The following RAP1B variants were observed in gnomAD, a reference collection of about 807,000 sequenced individuals.
The protein encoded by RAP1B is ras-related protein Rap-1b.
Under a neutral mutation model 27.5 loss-of-function variants are expected in RAP1B, and 1 was observed. The observed-to-expected ratio is 0.04, with a 90% CI of 0.01 to 0.17. RAP1B has a LOEUF of 0.17. RAP1B is among the 10% of genes least tolerant of loss of function. The pLI is 1.00. For synonymous variants in RAP1B, 75 were observed against 73.1 expected (o/e 1.03, Z -0.13); for missense variants, 84 against 214.8 (o/e 0.39, Z 3.81).
At chr12:68,618,748 T>C (rs764818512) in intron 1 of RAP1B, among the ~76,000 whole-genome samples, 12 of 151,552 alleles carry the variant, frequency 7.9e-5, no homozygotes, top group Non-Finnish European at 1.8e-4. Flanking sequence ...AGATTTTTTT[T>C]TAAGTTTCAC....
At chr12:68,618,588 C>T (rs1005469933) in intron 1 of RAP1B, among the ~76,000 whole-genome samples, 5 of 152,190 alleles carry the variant, frequency 3.3e-5, no homozygotes, top group Admixed American at 6.5e-5. Context: ...TTTTATAATA[C>T]TGAGACATTC....
chr12:68,628,758 T>C (rs2135930889), intron 1 of RAP1B, among the ~76,000 whole-genome samples: 1 of 152,314 alleles, frequency 6.6e-6, no homozygotes, highest in Non-Finnish European at 1.5e-5. Context: ...GAAAGAGTTT[T>C]AATTGAAATT....
intron 1 of RAP1B, among the ~76,000 whole-genome samples, chr12:68,624,305 CA>C (rs1206550499): frequency 6.6e-6 from 1 of 152,062 alleles, no homozygotes; most frequent in Non-Finnish European, 1.5e-5. Context: ...CAAACACTAA[CA>C]TTTTTTTAAA....
In RAP1B at chr12:68,632,139, T is replaced by G. The variant is rs9738241; in HGVS notation, c.-26-16560T>G. On this transcript the variant is annotated intron_variant, in intron 1 of 7. Coordinates refer to ENST00000250559, the MANE Select transcript of RAP1B (RefSeq NM_001010942.3). Reference sequence around the variant, plus strand: ...TTGGGTTTTGGATTTGTTTTTTTTTTTTTTTTGTTTGTTTTTTTTTTCCAG... The same window carrying G: ...TTGGGTTTTGGATTTGTTTTTTTTTGTTTTTTGTTTGTTTTTTTTTTCCAG... Among the ~76,000 whole-genome samples the G allele has an allele frequency of 3.1e-3, 389 of 126,834 alleles. 9 individuals are homozygous for G. Among genetic ancestry groups the G allele is most frequent in the African/African-American group, 6.2e-3 (141 of 22,778 alleles). 83.2% of individuals were successfully genotyped at this position (126,834 alleles called of 152,430 possible).
In RAP1B at chr12:68,664,735, T is replaced by G. The variant is rs1040989101; in HGVS notation, c.*5486T>G. ...AAGAAAAAGAAAAAAAAATCCAGTC[T>G]CTGCTGGCAAGGTGTTTAACAAGTC... is the stretch of plus-strand genomic sequence containing the variant. On this transcript the variant is annotated 3_prime_UTR_variant, in exon 8 of 8. Transcript: ENST00000250559. 2 of 151,950 alleles carry G rather than the reference T, an allele frequency of 1.3e-5. No homozygotes were observed. The highest frequency in any genetic ancestry group is 2.9e-5 in the Non-Finnish European group (2 of 67,942). The allele number at this position is 151,950 out of a possible 1,614,324, so 9.4% of individuals were successfully genotyped here.
intron 1 of RAP1B, among the ~76,000 whole-genome samples, chr12:68,644,039 A>C (rs191352820): frequency 1.3e-3 from 192 of 152,266 alleles, no homozygotes; most frequent in African/African-American, 4.5e-3. Context: ...TAGGCTGTCA[A>C]AATTACAGTC....
intron 1 of RAP1B, among the ~76,000 whole-genome samples, chr12:68,621,917 C>T (rs1411274786): frequency 1.3e-5 from 2 of 152,318 alleles, no homozygotes; most frequent in South Asian, 4.1e-4. Flanking sequence ...CCTTCAGGTA[C>T]TCAAATTAGA....
intron 1 of RAP1B, among the ~76,000 whole-genome samples, chr12:68,646,565 GGTGTGGGCCACTGCGCCC>G (rs2135956051): frequency 6.6e-6 from 1 of 152,320 alleles, no homozygotes; most frequent in South Asian, 2.1e-4. Flanking sequence ...TAGGATTACA[GGTGTGGGCCACTGCGCCC>G]GGCCCACTAC....
Position 68,617,839 on chromosome 12 carries a change from C to T in RAP1B, c.-27+6796C>T, listed in dbSNP as rs144906513. Among the ~76,000 whole-genome samples, 402 of 151,940 alleles carry T rather than the reference C, an allele frequency of 2.6e-3. 2 individuals carry two copies. Among genetic ancestry groups the T allele is most frequent in the African/African-American group, 9.2e-3 (381 of 41,410 alleles). ...AGTGCAGTGGCACAAACTTGGCTCACTGCAGCTTCAACCTCCCAGATTCAA... is the reference window on the plus strand; with the variant it reads ...AGTGCAGTGGCACAAACTTGGCTCATTGCAGCTTCAACCTCCCAGATTCAA... On this transcript the variant is annotated intron_variant, in intron 1 of 7. Transcript: ENST00000250559.
chr12:68,663,703 T>C lies in RAP1B; in HGVS notation c.*4454T>C, dbSNP rs1874725822. The C allele has an allele frequency of 6.6e-6, 1 of 152,240 alleles. No homozygotes were observed. Among genetic ancestry groups the C allele is most frequent in the Non-Finnish European group, 1.5e-5 (1 of 68,048 alleles). 9.4% of individuals were successfully genotyped at this position (152,240 alleles called of 1,614,324 possible). On this transcript the variant is annotated 3_prime_UTR_variant, in exon 8 of 8. Coordinates refer to ENST00000250559, the MANE Select transcript of RAP1B (RefSeq NM_001010942.3). ...CCTGTAGGTTACTGACCTTAGGAAT[T>C]ACAGGCTTTATCCAAAATTAGGCAT...
intron 2 of RAP1B, chr12:68,650,106 C>CT (rs2135960779): frequency 1.0e-5 from 2 of 194,864 alleles, no homozygotes; most frequent in East Asian, 2.9e-4. Flanking sequence ...GAGCAAGACT[C>CT]TGTCTCAAAG....
Position 68,663,968 on chromosome 12 carries a change from TA to T in RAP1B, c.*4722del, listed in dbSNP as rs1874738997. The T allele has an allele frequency of 2.0e-5, 3 of 152,292 alleles. No homozygotes were observed. The South Asian group carries it at 6.2e-4, about 32-fold the overall frequency. 9.4% of individuals were successfully genotyped at this position (152,292 alleles called of 1,614,324 possible). On this transcript the variant is annotated 3_prime_UTR_variant, in exon 8 of 8. Coordinates refer to ENST00000250559, the MANE Select transcript of RAP1B (RefSeq NM_001010942.3). ...AGTGAGCTGTCATTTTTCATATATA[TA>T]AATTTTTTTATTCATAGGTAATCTA... is the stretch of plus-strand genomic sequence containing the variant.
At chr12:68,611,346 A>AACCCCCCCCCCCCCC (rs1565652572) in intron 1 of RAP1B, among the ~76,000 whole-genome samples, 1 of 113,450 alleles carries the variant, frequency 8.8e-6, no homozygotes, top group Non-Finnish European at 1.8e-5. Flanking sequence ...GAGCCCGAGG[A>AACCCCCCCCCCCCCC]CCCCCCCACC....
chr12:68,643,162 T>A (rs1485737320), intron 1 of RAP1B, among the ~76,000 whole-genome samples: 1 of 152,212 alleles, frequency 6.6e-6, no homozygotes, highest in East Asian at 1.9e-4. Context: ...CAGTAATACC[T>A]TCTAATAGTC....
rs1032128582 is a variant in RAP1B, at chr12:68,662,059, G to A, written c.*2810G>A. On this transcript the variant is annotated 3_prime_UTR_variant, in exon 8 of 8. Transcript: ENST00000250559. ...TATATATAGTACATATATAGAGAGA[G>A]TATATATATATATGTAGTACAGTGG... 2.8e-5 allele frequency: 4 copies of A among 145,008 alleles called. No homozygotes were observed. Among genetic ancestry groups the A allele is most frequent in the African/African-American group, 1.0e-4 (4 of 39,708 alleles). The allele number at this position is 145,008 out of a possible 1,614,324, so 9.0% of individuals were successfully genotyped here.
intron 1 of RAP1B, among the ~76,000 whole-genome samples, chr12:68,637,352 C>G (rs1234507753): frequency 6.6e-6 from 1 of 152,082 alleles, no homozygotes; most frequent in Non-Finnish European, 1.5e-5. Flanking sequence ...AATCCCAGCA[C>G]TTTGGGAGGC....
chr12:68,615,823 G>C (rs1870949676), intron 1 of RAP1B, among the ~76,000 whole-genome samples: 1 of 151,996 alleles, frequency 6.6e-6, no homozygotes, highest in Admixed American at 6.6e-5. Context: ...ATATCAGTGA[G>C]ACCTTTTAAA....
At chr12:68,626,174 T>G (rs1184395572) in intron 1 of RAP1B, among the ~76,000 whole-genome samples, 1 of 152,228 alleles carries the variant, frequency 6.6e-6, no homozygotes, top group Non-Finnish European at 1.5e-5. Flanking sequence ...CCACCCCACT[T>G]AAGCATTTAT....
chr12:68,625,379 G>A (rs899835151), intron 1 of RAP1B, among the ~76,000 whole-genome samples: 7 of 152,222 alleles, frequency 4.6e-5, no homozygotes, highest in African/African-American at 1.7e-4. Context: ...ATAAGCCAGT[G>A]CGTGCGTAAG....
Sources: gnomAD v4.1 joint callset for allele counts (sites outside exome capture counted in the v4.1 genomes callset) on GRCh38, gnomAD v4.1.1 for gene constraint, MANE v1.5 for transcripts, NCBI Gene and HGNC (gene_info 2026-07-23, HGNC 2026-07-21) for gene names.